Variants in HTR2C observed in about 807,000 individuals in gnomAD.
HTR2C encodes 5-hydroxytryptamine receptor 2C.
A neutral mutation model predicts 21.0 loss-of-function variants in HTR2C; 5 were observed. That is an observed-to-expected ratio of 0.24 (90% CI 0.12 to 0.50). The LOEUF (loss-of-function observed/expected upper bound fraction) is 0.50, where lower values mean the gene tolerates loss of function less well. Among genes scored for constraint, HTR2C ranks in the 20% least tolerant of loss-of-function variants. The probability of loss-of-function intolerance (pLI) is 0.98; values close to 1 mark genes in which losing one functional copy is unlikely to be tolerated. For missense variants in HTR2C, 271 were observed against 371.2 expected (o/e 0.73, Z 2.22); for synonymous variants, 150 against 145.3 (o/e 1.03, Z -0.23).
chrX:114,696,700 C>T (rs2147864109), intron 2 of HTR2C, among the ~76,000 whole-genome samples: 1 of 109,143 alleles, frequency 9.2e-6, no homozygotes, highest in African/African-American at 3.3e-5. Context: ...TAAGGATTTA[C>T]AGGGCAACAG....
chrX:114,830,734 T>C (rs1427725918), intron 4 of HTR2C, among the ~76,000 whole-genome samples: 2 of 106,586 alleles, frequency 1.9e-5, no homozygotes, highest in Non-Finnish European at 3.9e-5. Flanking sequence ...TTAGTGTACA[T>C]GTGCACATTG....
intron 2 of HTR2C, among the ~76,000 whole-genome samples, chrX:114,674,973 G>A (rs1243629895): frequency 1.8e-5 from 2 of 112,059 alleles, no homozygotes; most frequent in Non-Finnish European, 3.8e-5. Flanking sequence ...TCTAAACTTC[G>A]AAGAAATACG....
At chrX:114,800,564 C>T (rs781919924) in intron 4 of HTR2C, among the ~76,000 whole-genome samples, 1 of 111,384 alleles carries the variant, frequency 9.0e-6, no homozygotes, top group Non-Finnish European at 1.9e-5. Context: ...TTCATTGGCA[C>T]TTCTTTGGCT....
At chrX:114,643,600 G>A (rs1222051332) in intron 2 of HTR2C, among the ~76,000 whole-genome samples, 2 of 110,843 alleles carry the variant, frequency 1.8e-5, no homozygotes, top group East Asian at 2.9e-4. Context: ...AAATTAATCC[G>A]TTTTAACAGG....
intron 4 of HTR2C, among the ~76,000 whole-genome samples, chrX:114,738,857 T>G (rs1264950508): frequency 9.0e-6 from 1 of 110,872 alleles, no homozygotes; most frequent in Non-Finnish European, 1.9e-5. Flanking sequence ...ACACTATTAT[T>G]CTAGTAACAC....
intron 4 of HTR2C, chrX:114,775,513 G>A (rs2147394436): frequency 2.0e-6 from 1 of 499,282 alleles, no homozygotes; most frequent in Non-Finnish European, 3.7e-6. Context: ...TGCTTGGTAG[G>A]AATGGTAGTA....
chrX:114,629,144 G>A (rs1929507740), intron 2 of HTR2C, among the ~76,000 whole-genome samples: 1 of 111,502 alleles, frequency 9.0e-6, no homozygotes, highest in Admixed American at 9.6e-5. Context: ...GGTCTCCATT[G>A]GAAAAACAGA....
chrX:114,825,482 G>A (rs1556457995), intron 4 of HTR2C, among the ~76,000 whole-genome samples: 1 of 111,719 alleles, frequency 9.0e-6, no homozygotes, highest in African/African-American at 3.2e-5. Context: ...GACAACACAC[G>A]TTGTTTGATT....
chrX:114,717,438 A>AGTT (rs1372753672), intron 2 of HTR2C: 3 of 112,337 alleles, frequency 2.7e-5, no homozygotes, highest in Admixed American at 9.5e-5. Flanking sequence ...AATATGCTGC[A>AGTT]TCATTATAAT....
intron 4 of HTR2C, among the ~76,000 whole-genome samples, chrX:114,737,383 C>T (rs2059326696): frequency 9.1e-6 from 1 of 109,768 alleles, no homozygotes; most frequent in Admixed American, 9.8e-5. Context: ...TGCACCGCCA[C>T]ACTCGGCTAA....
chrX:114,668,054 A>C (rs1054629753), intron 2 of HTR2C, among the ~76,000 whole-genome samples: 1 of 111,841 alleles, frequency 8.9e-6, no homozygotes, highest in Non-Finnish European at 1.9e-5. Flanking sequence ...AATCTGTTTC[A>C]TTGATATTGA....
chrX:114,824,433 G>C (rs1187144851), intron 4 of HTR2C, among the ~76,000 whole-genome samples: 1 of 111,715 alleles, frequency 9.0e-6, no homozygotes, highest in African/African-American at 3.3e-5. Context: ...TAAATAATTG[G>C]CTGTTATACA....
intron 4 of HTR2C, among the ~76,000 whole-genome samples, chrX:114,818,783 G>T (rs1467029828): frequency 8.9e-6 from 1 of 111,959 alleles, no homozygotes; most frequent in African/African-American, 3.2e-5. Flanking sequence ...GAGTTGAGTA[G>T]TTGCAATGAA....
chrX:114,677,405 A>G (rs1336172247), intron 2 of HTR2C, among the ~76,000 whole-genome samples: 1 of 111,276 alleles, frequency 9.0e-6, no homozygotes, highest in African/African-American at 3.3e-5. Flanking sequence ...ATCTGGAAAA[A>G]CTATGTCTCA....
intron 2 of HTR2C, among the ~76,000 whole-genome samples, chrX:114,656,893 T>C (rs782226984): frequency 9.0e-6 from 1 of 110,538 alleles, no homozygotes; most frequent in Non-Finnish European, 1.9e-5. Context: ...AAAGGACATA[T>C]GTGAAAAAAA....
intron 5 of HTR2C, among the ~76,000 whole-genome samples, chrX:114,864,548 C>T (rs782275101): frequency 1.8e-5 from 2 of 111,274 alleles, no homozygotes; most frequent in East Asian, 2.8e-4. Context: ...ACTAGCAATG[C>T]GTATAATTTA....
At chrX:114,617,685 C>T (rs993495556) in intron 2 of HTR2C, among the ~76,000 whole-genome samples, 1 of 111,470 alleles carries the variant, frequency 9.0e-6, no homozygotes, top group Non-Finnish European at 1.9e-5. Flanking sequence ...ACAAGTCAAA[C>T]ATATTCTGTA....
chrX:114,725,622 C>T (rs1281156277), intron 2 of HTR2C, among the ~76,000 whole-genome samples: 1 of 111,450 alleles, frequency 9.0e-6, no homozygotes, highest in Non-Finnish European at 1.9e-5. Context: ...TTTTTCTACT[C>T]TGTTTTTTCC....
At chrX:114,806,078 C>A (rs2070424900) in intron 4 of HTR2C, among the ~76,000 whole-genome samples, 1 of 99,495 alleles carries the variant, frequency 1.0e-5, no homozygotes, top group African/African-American at 3.6e-5. Context: ...ATATATACAC[C>A]ATATATATAC....
Sources: gnomAD v4.1 joint callset for allele counts (sites outside exome capture counted in the v4.1 genomes callset) on GRCh38, gnomAD v4.1.1 for gene constraint, MANE v1.5 for transcripts, NCBI Gene and HGNC (gene_info 2026-07-23, HGNC 2026-07-21) for gene names.